GFPT2: variants seen among roughly 807,000 people sequenced by gnomAD.
The protein encoded by GFPT2 is glutamine--fructose-6-phosphate aminotransferase [isomerizing] 2.
A neutral mutation model predicts 85.6 loss-of-function variants in GFPT2; 62 were observed. The observed-to-expected ratio is 0.72, with a 90% CI of 0.59 to 0.90. The LOEUF (loss-of-function observed/expected upper bound fraction) is 0.90. Ranked by LOEUF, GFPT2 falls within the 40% of genes least tolerant of loss-of-function variation. The pLI is 0.00. For synonymous variants in GFPT2, 368 were observed against 344.5 expected (o/e 1.07, Z -0.75); for missense variants, 788 against 893.4 (o/e 0.88, Z 1.50).
intron 4 of GFPT2, among the ~76,000 whole-genome samples, chr5:180,332,929 C>T (rs1169067018): frequency 1.3e-5 from 2 of 152,156 alleles, no homozygotes; most frequent in Admixed American, 1.3e-4. Flanking sequence ...CTTTTGAAAT[C>T]TTTTCCATTA....
chr5:180,341,292 C>A (rs189564817), intron 1 of GFPT2, among the ~76,000 whole-genome samples: 56 of 152,280 alleles, frequency 3.7e-4, no homozygotes, highest in African/African-American at 1.2e-3. Flanking sequence ...CAGAGGTGAA[C>A]CTCAGAGAGG....
At position 180,328,429 on chromosome 5, in the gene GFPT2, C is replaced by A; in HGVS notation, c.535-91G>T. ...CCAGGTGCGTCTCCCTGGGCCCCTC[C>A]TGATGGCGGGAGGTCCTGGGGTCCC... On this transcript the variant is annotated intron_variant, in intron 6 of 18. Coordinates refer to ENST00000253778, the MANE Select transcript of GFPT2 (RefSeq NM_005110.4). This position sits in a 1 kb window ranked among gnomAD's most constrained non-coding sequence, Gnocchi z 5.4. The A allele has an allele frequency of 2.0e-6, 2 of 1,008,064 alleles. No homozygotes were observed. The highest frequency in any genetic ancestry group is 3.2e-6 in the Non-Finnish European group (2 of 633,986). The allele number at this position is 1,008,064 out of a possible 1,614,324, so 62.4% of individuals were successfully genotyped here.
rs1343932045 is a variant in GFPT2, at chr5:180,328,274, C to T, written c.596+3G>A. 3 of 1,605,892 alleles carry T rather than the reference C, an allele frequency of 1.9e-6. No homozygotes were observed. The highest frequency in any genetic ancestry group is 2.6e-6 in the Non-Finnish European group (3 of 1,172,498). ...TGGGAAATGCCAGTGTGTTTTGCCT[C>T]ACCGTGTGGCAACGGCTTCTCCTGG... is the stretch of plus-strand genomic sequence containing the variant. On this transcript the variant is annotated splice_donor_region_variant and intron_variant, in intron 7 of 18. Coordinates refer to ENST00000253778, the MANE Select transcript of GFPT2 (RefSeq NM_005110.4). The surrounding 1 kb of genome is among the most constrained non-coding windows in gnomAD (Gnocchi z 5.4).
At chr5:180,331,462 G>T (rs374847543) in intron 5 of GFPT2, 33 bp downstream of exon 5, 170 of 1,320,380 alleles carry the variant, frequency 1.3e-4, no homozygotes, top group Admixed American at 6.2e-4. Context: ...CAATCCCACC[G>T]GACTGAGACA....
At chr5:180,317,460 G>A (rs1237474809) in intron 10 of GFPT2, among the ~76,000 whole-genome samples, 1 of 152,062 alleles carries the variant, frequency 6.6e-6, no homozygotes, top group Non-Finnish European at 1.5e-5. Flanking sequence ...CCTGGTTTCC[G>A]TAATAAAAAC....
At chr5:180,303,823 AG>A (rs1181814352) in intron 17 of GFPT2, among the ~76,000 whole-genome samples, 2 of 152,124 alleles carry the variant, frequency 1.3e-5, no homozygotes, top group African/African-American at 4.8e-5. Flanking sequence ...TATTTATGGG[AG>A]GTCCCTTGGA....
chr5:180,333,121 G>T (rs1011992583), intron 4 of GFPT2, among the ~76,000 whole-genome samples: 1 of 151,988 alleles, frequency 6.6e-6, no homozygotes, highest in Non-Finnish European at 1.5e-5. Context: ...ACTGCTCTGT[G>T]CTCTGATCGC....
At position 180,311,423 on chromosome 5, in the gene GFPT2, G is replaced by A. The variant is rs527558212; in HGVS notation, c.1546+1007C>T. Among the ~76,000 whole-genome samples, 8 of 152,320 alleles carry A rather than the reference G, an allele frequency of 5.3e-5. No homozygotes were observed. The South Asian group carries it at 1.5e-3, about 28-fold the overall frequency. ...GATGAATGAAGAAAGGGGAGGCCAC[G>A]GTCCCCAAGGAGGTCATGATTTAGT... On this transcript the variant is annotated intron_variant, in intron 15 of 18. Transcript: ENST00000253778.
intron 4 of GFPT2, among the ~76,000 whole-genome samples, chr5:180,332,067 T>A (rs547508576): frequency 6.6e-6 from 1 of 152,350 alleles, no homozygotes; most frequent in Non-Finnish European, 1.5e-5. Context: ...CCTGGTTTCC[T>A]TGGGGGAAAA....
chr5:180,329,874 G>T (rs971310688), intron 6 of GFPT2, among the ~76,000 whole-genome samples: 1 of 152,164 alleles, frequency 6.6e-6, no homozygotes, highest in African/African-American at 2.4e-5. Flanking sequence ...TCAGTGTAGG[G>T]GCCTCCCCTT....
chr5:180,320,564 G>C (rs1244565892), intron 9 of GFPT2, among the ~76,000 whole-genome samples: 2 of 152,230 alleles, frequency 1.3e-5, no homozygotes, highest in South Asian at 2.1e-4. Context: ...CCTGAGGTCA[G>C]GAGTTTGAGA....
chr5:180,342,887 G>A (rs1336756316), intron 1 of GFPT2, among the ~76,000 whole-genome samples: 2 of 151,794 alleles, frequency 1.3e-5, no homozygotes, highest in Non-Finnish European at 2.9e-5. Flanking sequence ...GGGTGACAGA[G>A]GGAGACTCCA....
intron 17 of GFPT2, among the ~76,000 whole-genome samples, 189 bp downstream of exon 17, chr5:180,304,583 G>C (rs991909250): frequency 3.3e-5 from 5 of 152,228 alleles, no homozygotes; most frequent in African/African-American, 1.2e-4. Flanking sequence ...GAGCTGTGTG[G>C]GACAGCTGCG....
At position 180,310,104 on chromosome 5, in the gene GFPT2, C is replaced by T. The variant is rs7447624; in HGVS notation, c.1546+2326G>A. 9.7e-3 allele frequency among the ~76,000 whole-genome samples: 1,467 copies of T among 151,150 alleles called. 50 individuals are homozygous for T. In the East Asian group the frequency reaches 0.1, roughly 10 times the overall value. On this transcript the variant is annotated intron_variant, in intron 15 of 18. Transcript: ENST00000253778. ...GGATGACAGGCATGAGCCACCGTGC[C>T]CAGCCTTTTCTTTTTGAGATGAAGT...
At chr5:180,313,740 G>A (rs1289274020) in intron 14 of GFPT2, 67 bp downstream of exon 14, 6 of 1,397,562 alleles carry the variant, frequency 4.3e-6, no homozygotes, top group Admixed American at 2.1e-5. Flanking sequence ...GGCCGGAGGA[G>A]GGCGGCCTCT....
At chr5:180,348,563 C>CT (rs891477323) in intron 1 of GFPT2, among the ~76,000 whole-genome samples, 41 of 152,208 alleles carry the variant, frequency 2.7e-4, no homozygotes, top group African/African-American at 8.2e-4. Context: ...GGGCCCTGAG[C>CT]AGACGCGGCA....
At chr5:180,334,198 T>C (rs1764357436) in intron 4 of GFPT2, among the ~76,000 whole-genome samples, 2 of 152,222 alleles carry the variant, frequency 1.3e-5, no homozygotes, top group African/African-American at 2.4e-5. Flanking sequence ...CTCAAGACCC[T>C]GATCACTAGG....
chr5:180,333,087 T>C (rs753172684), intron 4 of GFPT2, among the ~76,000 whole-genome samples: 2 of 152,184 alleles, frequency 1.3e-5, no homozygotes, highest in Non-Finnish European at 2.9e-5. Context: ...CTTTATTTTT[T>C]ATGTATTTAT....
Position 180,313,822 on chromosome 5 carries a change from G to T in GFPT2, c.1416C>A (p.Gly472=). 1 of 1,566,882 alleles carries T rather than the reference G, an allele frequency of 6.4e-7. No individual in the cohort carries two copies. The highest frequency in any genetic ancestry group is 8.6e-7 in the Non-Finnish European group (1 of 1,160,518). The change falls in exon 14 of 19, where the codon GGC becomes GGA. Residue 472 remains glycine, a synonymous_variant. Coordinates refer to ENST00000253778, the MANE Select transcript of GFPT2 (RefSeq NM_005110.4). ...GVHINAGPEI[G]VASTKAYTSQ... ...CTCCTCCTACCTTGGTGCTGGCCAC[G>T]CCGATCTCCGGCCCTGCGTTGATGT... is the stretch of plus-strand genomic sequence containing the variant.
Sources: allele counts gnomAD v4.1 joint callset (sites outside exome capture counted in the v4.1 genomes callset), GRCh38; gene constraint gnomAD v4.1.1; non-coding constraint Gnocchi (gnomAD v3.1); transcripts MANE v1.5; gene names NCBI Gene and HGNC (gene_info 2026-07-23, HGNC 2026-07-21).